Variants in CDH12 observed in about 807,000 individuals in gnomAD.
CDH12 encodes cadherin-12.
CDH12 carries 41 observed loss-of-function variants against 74.1 expected under a neutral mutation model. The observed-to-expected ratio is 0.55, with a 90% CI of 0.43 to 0.72. The LOEUF is 0.72. CDH12 is among the 30% of genes least tolerant of loss of function. The pLI is 0.00. For synonymous variants in CDH12, 399 were observed against 355.0 expected (o/e 1.12, Z -1.39); for missense variants, 945 against 977.2 (o/e 0.97, Z 0.44).
At chr5:22,442,951 A>G (rs780889312) in intron 2 of CDH12, among the ~76,000 whole-genome samples, 6 of 150,802 alleles carry the variant, frequency 4.0e-5, no homozygotes, top group Non-Finnish European at 5.9e-5. Flanking sequence ...TGTGTAGATG[A>G]GACAACACAT....
At chr5:21,916,939 C>T (rs897265887) in intron 6 of CDH12, among the ~76,000 whole-genome samples, 4 of 152,156 alleles carry the variant, frequency 2.6e-5, no homozygotes, top group Non-Finnish European at 5.9e-5. Context: ...CTCTTGAAAA[C>T]AGCTGATGGA....
chr5:22,276,010 T>C (rs980746813), intron 3 of CDH12, among the ~76,000 whole-genome samples: 3 of 152,160 alleles, frequency 2.0e-5, no homozygotes, highest in Admixed American at 6.6e-5. Flanking sequence ...ACAACTATTG[T>C]TGGAATTGCA....
intron 2 of CDH12, among the ~76,000 whole-genome samples, chr5:22,427,570 T>A (rs1317238061): frequency 1.3e-5 from 2 of 152,194 alleles, no homozygotes; most frequent in Non-Finnish European, 2.9e-5. Flanking sequence ...GTCTTTACTC[T>A]ATTTCTATAG....
chr5:22,744,182 C>G (rs1745175578), intron 1 of CDH12, among the ~76,000 whole-genome samples: 1 of 152,192 alleles, frequency 6.6e-6, no homozygotes, highest in East Asian at 1.9e-4. Flanking sequence ...GTAATCCCAG[C>G]ACTTTGGGAG....
chr5:22,565,910 T>G (rs1054358275), intron 1 of CDH12, among the ~76,000 whole-genome samples: 3 of 152,094 alleles, frequency 2.0e-5, no homozygotes, highest in Non-Finnish European at 4.4e-5. Flanking sequence ...TAAGAAGTAA[T>G]AGAGCTTAAA....
chr5:22,279,448 C>T (rs957571269), intron 3 of CDH12, among the ~76,000 whole-genome samples: 7 of 152,134 alleles, frequency 4.6e-5, no homozygotes, highest in African/African-American at 1.4e-4. Context: ...CATATGTATA[C>T]ATGTGCCATG....
At chr5:22,180,977 A>C (rs928939423) in intron 4 of CDH12, among the ~76,000 whole-genome samples, 1 of 152,154 alleles carries the variant, frequency 6.6e-6, no homozygotes, top group Non-Finnish European at 1.5e-5. Flanking sequence ...TGTATTTGAC[A>C]TTGACTACTT....
chr5:22,536,574 A>G (rs1737855364), intron 1 of CDH12, among the ~76,000 whole-genome samples: 1 of 152,186 alleles, frequency 6.6e-6, no homozygotes, highest in East Asian at 1.9e-4. Context: ...GTATTGCAAC[A>G]CCCAATATCA....
At chr5:22,458,112 T>C (rs2126578273) in intron 2 of CDH12, among the ~76,000 whole-genome samples, 1 of 151,998 alleles carries the variant, frequency 6.6e-6, no homozygotes, top group African/African-American at 2.4e-5. Context: ...ACTGCTGACC[T>C]TAAATCATCC....
chr5:22,486,976 G>A (rs1460108376), intron 2 of CDH12, among the ~76,000 whole-genome samples: 1 of 152,038 alleles, frequency 6.6e-6, no homozygotes, highest in African/African-American at 2.4e-5. Context: ...CCATGTCTGG[G>A]GGCAAACCAT....
chr5:22,156,854 G>A (rs1748050004), intron 4 of CDH12, among the ~76,000 whole-genome samples: 1 of 152,126 alleles, frequency 6.6e-6, no homozygotes, highest in Non-Finnish European at 1.5e-5. Context: ...AATGCGTATT[G>A]ATTAAAGTAG....
rs571629358 is a variant in CDH12 at position 22,678,101 on chromosome 5, A to G, written c.-522-172737T>C. On this transcript the variant is annotated intron_variant, in intron 1 of 14. Coordinates refer to ENST00000382254, the MANE Select transcript of CDH12 (RefSeq NM_004061.5). ...TTTGGGAAAGATGCAAAAATAATCT[A>G]TAACATTGTTTCTCCAGTTAGTCAC... 2.5e-4 allele frequency among the ~76,000 whole-genome samples: 38 copies of G among 151,970 alleles called. 1 individual carries two copies. Among genetic ancestry groups the G allele is most frequent in the Admixed American group, 2.1e-3 (32 of 15,232 alleles).
intron 4 of CDH12, among the ~76,000 whole-genome samples, chr5:22,154,497 GTACACA>G (rs1561169982): frequency 8.3e-3 from 17 of 2,056 alleles, no homozygotes; most frequent in African/African-American, 0.014. Flanking sequence ...ACATATATAT[GTACACA>G]TATATATGTA....
intron 5 of CDH12, among the ~76,000 whole-genome samples, chr5:22,010,381 C>G (rs1464504456): frequency 6.6e-6 from 1 of 152,114 alleles, no homozygotes; most frequent in Non-Finnish European, 1.5e-5. Flanking sequence ...GCATTAACCC[C>G]CCATCTATTT....
chr5:22,550,102 T>C (rs1282525059), intron 1 of CDH12, among the ~76,000 whole-genome samples: 2 of 152,224 alleles, frequency 1.3e-5, no homozygotes, highest in Non-Finnish European at 2.9e-5. Context: ...TCTTGAAATC[T>C]GTGACTCTCT....
At chr5:22,804,755 C>A (rs140227747) in intron 1 of CDH12, among the ~76,000 whole-genome samples, 120 of 152,298 alleles carry the variant, frequency 7.9e-4, no homozygotes, top group Middle Eastern at 3.4e-3. Context: ...TTATTGATTA[C>A]ACAATCAGTA....
At chr5:22,804,185 TG>T (rs1263879785) in intron 1 of CDH12, among the ~76,000 whole-genome samples, 2 of 152,192 alleles carry the variant, frequency 1.3e-5, no homozygotes, top group African/African-American at 4.8e-5. Flanking sequence ...GGCCACTAAA[TG>T]GGAAACAGAA....
chr5:22,246,505 C>T (rs1201753461), intron 3 of CDH12, among the ~76,000 whole-genome samples: 4 of 152,090 alleles, frequency 2.6e-5, no homozygotes, highest in Non-Finnish European at 5.9e-5. Context: ...AATGATAATA[C>T]ATTTAAAATG....
intron 1 of CDH12, among the ~76,000 whole-genome samples, chr5:22,669,939 A>T (rs1740820967): frequency 6.6e-6 from 1 of 152,202 alleles, no homozygotes; most frequent in South Asian, 2.1e-4. Flanking sequence ...ATCTGGTTAT[A>T]TCACTTCCAT....
Sources: allele counts gnomAD v4.1 joint callset (sites outside exome capture counted in the v4.1 genomes callset), GRCh38; gene constraint gnomAD v4.1.1; transcripts MANE v1.5; gene names NCBI Gene and HGNC (gene_info 2026-07-23, HGNC 2026-07-21).